Variants in SMC6 observed in about 807,000 individuals in gnomAD.
SMC6 encodes the protein structural maintenance of chromosomes protein 6.
In SMC6, 79 loss-of-function variants were observed where a neutral mutation model predicts 142.2. The observed-to-expected ratio is 0.56, with a 90% CI of 0.46 to 0.67. The LOEUF (loss-of-function observed/expected upper bound fraction) is 0.67. Among genes scored for constraint, SMC6 ranks in the 30% least tolerant of loss-of-function variants. SMC6 has a pLI of 0.00. For synonymous variants in SMC6, 411 were observed against 412.4 expected (o/e 1.00, Z 0.04); for missense variants, 1,072 against 1,284.0 (o/e 0.83, Z 2.52).
At chr2:17,731,189 A>G (rs1239268073) in intron 6 of SMC6, 50 bp from the exon 7 acceptor site, 1 of 1,291,756 alleles carries the variant, frequency 7.7e-7, no homozygotes. Context: ...AGGGCATAAC[A>G]CAGAAAAAAT....
chr2:17,753,453 C>A (rs142059229), intron 1 of SMC6, among the ~76,000 whole-genome samples, 173 bp downstream of exon 1: 7,546 of 136,638 alleles, frequency 0.055, 208 homozygotes, highest in Middle Eastern at 0.11. Flanking sequence ...GCCGCCCGAC[C>A]CGCCCGAGGA....
chr2:17,725,309 T>C lies in SMC6; in HGVS notation c.674A>G (p.Tyr225Cys). The C allele has an allele frequency of 1.9e-6, 3 of 1,609,180 alleles. No individual in the cohort carries two copies. Among genetic ancestry groups the C allele is most frequent in the Non-Finnish European group, 2.5e-6 (3 of 1,178,974 alleles). Residue 225 changes from tyrosine (Y) to cysteine (C), a missense_variant, in exon 9 of 28, where the codon TAC becomes TGC. By Grantham distance (194) the Tyr-to-Cys change is radical. This residue lies in a region of SMC6 where 994 missense variants were observed against 1,153.2 expected (regional missense o/e 0.86). Coordinates refer to ENST00000448223, the MANE Select transcript of SMC6 (RefSeq NM_001142286.2). Reference sequence around the variant, plus strand: ...TGTTCTTTCTTTCGTTTCCATAATGTATGAATAATCTTCCTTCATCTGTTC... The same window carrying C: ...TGTTCTTTCTTTCGTTTCCATAATGCATGAATAATCTTCCTTCATCTGTTC... ...QLEQMKEDYS[Y>C]IMETKERTKE...
intron 23 of SMC6, among the ~76,000 whole-genome samples, chr2:17,693,647 C>A (rs1189301416): frequency 2.0e-5 from 3 of 151,644 alleles, no homozygotes; most frequent in Non-Finnish European, 4.4e-5. Flanking sequence ...ATGTAACAAA[C>A]CTGCATGTTG....
chr2:17,678,941 A>G lies in SMC6; in HGVS notation c.2828T>C (p.Leu943Ser), dbSNP rs1667123164. The change falls in exon 25 of 28, where the codon TTA (leucine) becomes TCA (serine). Residue 943 changes from leucine (L) to serine (S), a missense_variant. Around this residue, in one of 3 missense-constraint regions of SMC6, gnomAD observed 994 missense variants for 1,153.2 expected, o/e 0.86. Transcript: ENST00000448223. ...CTGAGATAGTAAGTTGTCAAAGTATAATTTGCATCGTAAAGTCAAACACCT... is the reference window on the plus strand; with the variant it reads ...CTGAGATAGTAAGTTGTCAAAGTATGATTTGCATCGTAAAGTCAAACACCT... ...FRRCLTLRCK[L>S]YFDNLLSQRA... is the part of the protein sequence containing the mutation. 6.2e-7 allele frequency: 1 copy of G among 1,611,720 alleles called. No homozygotes were observed. The highest frequency in any genetic ancestry group is 1.1e-5 in the South Asian group (1 of 90,388).
intron 20 of SMC6, among the ~76,000 whole-genome samples, chr2:17,701,071 C>T (rs1022376416): frequency 5.6e-5 from 8 of 142,430 alleles, no homozygotes; most frequent in African/African-American, 2.1e-4. Context: ...AATAATAATA[C>T]AAAAATTTAG....
Position 17,667,729 on chromosome 2 carries a change from A to G in SMC6, c.3064-1212T>C, listed in dbSNP as rs577266517. Reference sequence around the variant, plus strand: ...GCCGGGCATGGTGGTGCACACCTGTAATCCCAGCTACTCAGGTGGCTGAGT... The same window carrying G: ...GCCGGGCATGGTGGTGCACACCTGTGATCCCAGCTACTCAGGTGGCTGAGT... On this transcript the variant is annotated intron_variant, in intron 26 of 27. Transcript: ENST00000448223. Among the ~76,000 whole-genome samples, 11 of 152,294 alleles carry G rather than the reference A, an allele frequency of 7.2e-5. 1 individual carries two copies. In the South Asian group the frequency reaches 2.3e-3, roughly 32 times the overall value.
chr2:17,737,397 T>TG (rs1269890574), intron 5 of SMC6, among the ~76,000 whole-genome samples: 1 of 152,210 alleles, frequency 6.6e-6, no homozygotes, highest in Non-Finnish European at 1.5e-5. Context: ...GAAGAAGGAA[T>TG]GGGAGTAGCC....
At chr2:17,740,872 C>CA (rs796242066) in intron 4 of SMC6, 25 of 238,856 alleles carry the variant, frequency 1.0e-4, no homozygotes, top group East Asian at 1.6e-4. Context: ...AACAAAAAAA[C>CA]AAAAAAAACC....
At chr2:17,726,528 AAAACTG>A in intron 7 of SMC6, 59 bp from the exon 8 acceptor site, 1 of 1,424,712 alleles carries the variant, frequency 7.0e-7, no homozygotes, top group African/African-American at 1.4e-5. Context: ...AAGATAGGTA[AAAACTG>A]AAACATACAT....
intron 23 of SMC6, among the ~76,000 whole-genome samples, chr2:17,694,701 T>C (rs1667908211): frequency 6.8e-6 from 1 of 147,950 alleles, no homozygotes. Flanking sequence ...TAAATCAAGA[T>C]ACTCTTTCTT....
chr2:17,753,371 C>CCTGGGAGGGGACGGCCGCCTGGGGGG (rs1487450769), intron 1 of SMC6, among the ~76,000 whole-genome samples: 5 of 51,438 alleles, frequency 9.7e-5, no homozygotes, highest in Admixed American at 2.8e-4. Context: ...GGGGACGGCC[C>CCTGGGAGGGGACGGCCGCCTGGGGGG]GGAGCAGACG....
At chr2:17,728,709 T>C (rs1004900386) in intron 7 of SMC6, among the ~76,000 whole-genome samples, 2 of 152,022 alleles carry the variant, frequency 1.3e-5, no homozygotes, top group African/African-American at 4.8e-5. Context: ...CTGGTTATGC[T>C]AGACCAACAA....
At chr2:17,670,712 C>T in intron 25 of SMC6, 137 bp from the exon 26 acceptor site, 2 of 864,440 alleles carry the variant, frequency 2.3e-6, no homozygotes, top group Non-Finnish European at 3.3e-6. Flanking sequence ...TTTGGAAATA[C>T]CCATTCCTTT....
At chr2:17,714,775 G>T in intron 16 of SMC6, 86 bp downstream of exon 16, 2 of 1,343,070 alleles carry the variant, frequency 1.5e-6, no homozygotes, top group South Asian at 1.3e-5. Flanking sequence ...GTAAAGATAT[G>T]ATTAACATTA....
intron 21 of SMC6, among the ~76,000 whole-genome samples, chr2:17,697,700 G>A (rs2124924354): frequency 6.6e-6 from 1 of 152,210 alleles, no homozygotes; most frequent in African/African-American, 2.4e-5. Flanking sequence ...AAAATAACCA[G>A]TGTTGATAAG....
intron 18 of SMC6, among the ~76,000 whole-genome samples, chr2:17,704,104 A>AC (rs908131739): frequency 1.3e-4 from 20 of 152,090 alleles, no homozygotes; most frequent in Non-Finnish European, 2.4e-4. Flanking sequence ...AACTCCAAAA[A>AC]AAAAAAACCA....
At chr2:17,695,090 T>C in intron 23 of SMC6, 62 bp downstream of exon 23, 1 of 1,575,290 alleles carries the variant, frequency 6.3e-7, no homozygotes, top group Non-Finnish European at 8.6e-7. Flanking sequence ...ATGTTTTTCA[T>C]TTTTTGTCTT....
At chr2:17,726,251 GGAAATT>G (rs200059948) in intron 8 of SMC6, 132 bp downstream of exon 8, 25,624 of 508,504 alleles carry the variant, frequency 0.05, 1,339 homozygotes, top group African/African-American at 0.2. Flanking sequence ...TCCTAATCTA[GGAAATT>G]GAATTACTTT....
At chr2:17,679,176 T>G in intron 24 of SMC6, 1 of 427,044 alleles carries the variant, frequency 2.3e-6, no homozygotes, top group South Asian at 4.4e-5. Context: ...TTCATTTACT[T>G]TTATAACAAA....
Sources: allele counts gnomAD v4.1 joint callset (sites outside exome capture counted in the v4.1 genomes callset), GRCh38; gene constraint gnomAD v4.1.1; regional missense constraint gnomAD v4.1.1; transcripts MANE v1.5; gene names NCBI Gene and HGNC (gene_info 2026-07-23, HGNC 2026-07-21).